Variants in KPNA7 observed in about 807,000 individuals in gnomAD.
KPNA7 encodes the protein importin subunit alpha-8.
KPNA7 carries 54 observed loss-of-function variants against 53.7 expected under a neutral mutation model. That is an observed-to-expected ratio of 1.01 (90% confidence interval 0.81 to 1.26). The LOEUF (loss-of-function observed/expected upper bound fraction) is 1.26. KPNA7 is among the 50% of genes most tolerant of loss of function. The pLI, the probability that KPNA7 is intolerant of heterozygous loss-of-function variation, is 0.00. For missense variants in KPNA7, 640 were observed against 644.5 expected (o/e 0.99, Z 0.07); for synonymous variants, 276 against 259.3 (o/e 1.06, Z -0.62).
intron 8 of KPNA7, among the ~76,000 whole-genome samples, chr7:99,184,154 C>CTTT (rs34193595): frequency 3.9e-4 from 49 of 125,212 alleles, no homozygotes; most frequent in Middle Eastern, 4.1e-3. Context: ...TGCCCACAAC[C>CTTT]TTTTTTTTTT....
Position 99,205,860 on chromosome 7 carries a change from A to G in KPNA7, c.66+1541T>C, listed in dbSNP as rs1790785346. Among the ~76,000 whole-genome samples the G allele has an allele frequency of 2.6e-5, 4 of 152,350 alleles. No individual in the cohort carries two copies. In the South Asian group the frequency reaches 8.3e-4, roughly 32 times the overall value. On this transcript the variant is annotated intron_variant, in intron 2 of 10. Coordinates refer to ENST00000327442, the MANE Select transcript of KPNA7 (RefSeq NM_001145715.3). ...AGCAAGTCTTCATCTCAAAAATAAA[A>G]AGATACAGAGATGGAGGACAGAGCT...
the KPNA7 span, among the ~76,000 whole-genome samples, chr7:99,164,285 A>C: frequency 6.6e-6 from 1 of 151,952 alleles, no homozygotes; most frequent in Admixed American, 6.6e-5. Context: ...TGGCACATAT[A>C]CACCATGGAA....
At chr7:99,149,331 A>G in the KPNA7 span, among the ~76,000 whole-genome samples, 1 of 152,192 alleles carries the variant, frequency 6.6e-6, no homozygotes, top group Admixed American at 6.5e-5. Context: ...GAGGAAGACT[A>G]TGACCCACGG....
At chr7:99,190,365 G>GA (rs1197764804) in intron 6 of KPNA7, among the ~76,000 whole-genome samples, 2 of 149,772 alleles carry the variant, frequency 1.3e-5, no homozygotes, top group Admixed American at 6.7e-5. Context: ...AAAAAAAGCA[G>GA]AAAAAAAAGA....
intron 7 of KPNA7, among the ~76,000 whole-genome samples, chr7:99,187,302 T>C (rs1789645459): frequency 6.6e-6 from 1 of 151,888 alleles, no homozygotes; most frequent in Non-Finnish European, 1.5e-5. Flanking sequence ...ACAAAAAAAA[T>C]AATAACCTAG....
chr7:99,217,404 CAT>C (rs1461816856), intron 1 of KPNA7, among the ~76,000 whole-genome samples: 1 of 152,132 alleles, frequency 6.6e-6, no homozygotes, highest in Non-Finnish European at 1.5e-5. Context: ...GCTAAAAACA[CAT>C]GTTGGATTCG....
the KPNA7 span, among the ~76,000 whole-genome samples, chr7:99,158,967 C>A: frequency 6.6e-6 from 1 of 151,992 alleles, no homozygotes; most frequent in African/African-American, 2.4e-5. Context: ...TGGGTTCAAG[C>A]GATTTTCCTG....
At chr7:99,169,289 AG>A (rs922800171), downstream of KPNA7, among the ~76,000 whole-genome samples, 2 of 152,164 alleles carry the variant, frequency 1.3e-5, no homozygotes, top group African/African-American at 4.8e-5. Context: ...CATCTGAGGG[AG>A]CAAAACTGAG....
intron 8 of KPNA7, among the ~76,000 whole-genome samples, 155 bp from the exon 9 acceptor site, chr7:99,182,220 TC>T (rs555276935): frequency 6.6e-6 from 1 of 151,632 alleles, no homozygotes; most frequent in East Asian, 1.9e-4. Flanking sequence ...GCTCTTTCTT[TC>T]CCCCCTCACT....
chr7:99,177,435 C>A (rs1206906194), intron 10 of KPNA7, among the ~76,000 whole-genome samples: 1 of 151,898 alleles, frequency 6.6e-6, no homozygotes, highest in Non-Finnish European at 1.5e-5. Flanking sequence ...ATTAGCTGGG[C>A]GTCGTAGTAC....
chr7:99,162,492 C>T, the KPNA7 span, among the ~76,000 whole-genome samples: 3 of 152,178 alleles, frequency 2.0e-5, no homozygotes, highest in South Asian at 2.1e-4. Flanking sequence ...CCCAACTCCC[C>T]GAGTCTAAGC....
At chr7:99,152,889 C>G in the KPNA7 span, among the ~76,000 whole-genome samples, 6 of 152,256 alleles carry the variant, frequency 3.9e-5, no homozygotes, top group African/African-American at 1.4e-4. Context: ...AATGGGAAAA[C>G]AGTTTTATTT....
chr7:99,162,689 G>A, the KPNA7 span, among the ~76,000 whole-genome samples: 1 of 152,152 alleles, frequency 6.6e-6, no homozygotes, highest in East Asian at 1.9e-4. Flanking sequence ...GAGCCAACAA[G>A]GTTAGATCAC....
At chr7:99,170,224 T>A (rs1406030696), downstream of KPNA7, among the ~76,000 whole-genome samples, 3 of 151,934 alleles carry the variant, frequency 2.0e-5, no homozygotes, top group African/African-American at 7.3e-5. Flanking sequence ...CACACCAAAC[T>A]AACAACAAAC....
intron 3 of KPNA7, among the ~76,000 whole-genome samples, chr7:99,202,277 TATAG>T (rs1003942696): frequency 1.5e-4 from 23 of 152,028 alleles, no homozygotes; most frequent in African/African-American, 5.6e-4. Context: ...CCCAAAAGAA[TATAG>T]AGACACCATT....
At chr7:99,170,885 G>T (rs557099716), downstream of KPNA7, among the ~76,000 whole-genome samples, 1 of 152,094 alleles carries the variant, frequency 6.6e-6, no homozygotes, top group Non-Finnish European at 1.5e-5. Flanking sequence ...CATTCTGAAG[G>T]TCATAGTTTC....
chr7:99,199,800 C>A (rs1790418187), intron 3 of KPNA7, among the ~76,000 whole-genome samples: 1 of 151,826 alleles, frequency 6.6e-6, no homozygotes, highest in South Asian at 2.1e-4. Flanking sequence ...AAAAGACAAC[C>A]CACAGAACAG....
At chr7:99,167,470 C>A in the KPNA7 span, among the ~76,000 whole-genome samples, 3 of 151,978 alleles carry the variant, frequency 2.0e-5, no homozygotes, top group Non-Finnish European at 4.4e-5. Flanking sequence ...GCATACTCCT[C>A]AGAATTTTTC....
downstream of KPNA7, among the ~76,000 whole-genome samples, chr7:99,173,364 T>TG (rs2150692086): frequency 6.6e-6 from 1 of 152,182 alleles, no homozygotes; most frequent in South Asian, 2.1e-4. Context: ...GCTAATTTTT[T>TG]GTATTTTTAA....
Sources: allele counts gnomAD v4.1 joint callset (sites outside exome capture counted in the v4.1 genomes callset), GRCh38; gene constraint gnomAD v4.1.1; transcripts MANE v1.5; gene names NCBI Gene and HGNC (gene_info 2026-07-23, HGNC 2026-07-21).